CUEDC1: variants seen among roughly 807,000 people sequenced by gnomAD.
The protein encoded by CUEDC1 is CUE domain-containing protein 1.
CUEDC1 carries 30 observed loss-of-function variants against 43.7 expected under a neutral mutation model. The ratio of observed to expected loss-of-function variants is 0.69; its 90% confidence interval spans 0.51 to 0.93. The LOEUF (loss-of-function observed/expected upper bound fraction) is 0.93. Among genes scored for constraint, CUEDC1 ranks in the 40% least tolerant of loss-of-function variants. CUEDC1 has a pLI of 0.00. For synonymous variants in CUEDC1, 223 were observed against 223.6 expected (o/e 1.00, Z 0.02); for missense variants, 486 against 549.0 (o/e 0.89, Z 1.15).
At chr17:57,888,183 G>A (rs968342022) in intron 1 of CUEDC1, among the ~76,000 whole-genome samples, 4 of 152,230 alleles carry the variant, frequency 2.6e-5, no homozygotes, top group South Asian at 4.1e-4. Flanking sequence ...GATTACAGGC[G>A]TGAGCCACTG....
chr17:57,887,360 A>G lies in CUEDC1; in HGVS notation c.-315-1481T>C, dbSNP rs77302383. Among the ~76,000 whole-genome samples, 849 of 152,334 alleles carry G rather than the reference A, an allele frequency of 5.6e-3. 3 individuals are homozygous for G. Among genetic ancestry groups the G allele is most frequent in the Non-Finnish European group, 8.8e-3 (598 of 68,032 alleles). Reference sequence around the variant, plus strand: ...AGACCACTGGGAATGGAATGCGCCTAAACACCAACTTCTGACAGTGGCAGC... The same window carrying G: ...AGACCACTGGGAATGGAATGCGCCTGAACACCAACTTCTGACAGTGGCAGC... On this transcript the variant is annotated intron_variant, in intron 1 of 10. Transcript: ENST00000577830.
chr17:57,885,284 C>CT lies in CUEDC1; in HGVS notation c.280dup (p.Ser94LysfsTer7). 1 of 1,607,494 alleles carries CT rather than the reference C, an allele frequency of 6.2e-7. No individual in the cohort carries two copies. ...GCTGTCCTCATAGACGCCGCCGCTG[C>CT]TGCCACCGCCCTCCAGGTTCATCTG... is the stretch of plus-strand genomic sequence containing the variant. On this transcript the variant is annotated frameshift_variant, in exon 2 of 11. Transcript: ENST00000577830. LOFTEE classifies it high-confidence loss of function.
At chr17:57,925,214 T>C (rs1332707369) in intron 1 of CUEDC1, among the ~76,000 whole-genome samples, 3 of 151,876 alleles carry the variant, frequency 2.0e-5, no homozygotes, top group Non-Finnish European at 4.4e-5. Context: ...AAATTAAACA[T>C]TTTCCAGTTT....
At chr17:57,904,542 T>C (rs540772562) in intron 1 of CUEDC1, among the ~76,000 whole-genome samples, 1 of 152,310 alleles carries the variant, frequency 6.6e-6, no homozygotes, top group South Asian at 2.1e-4. Flanking sequence ...TTATAAGCCC[T>C]GGGGCCCAGG....
intron 1 of CUEDC1, among the ~76,000 whole-genome samples, chr17:57,902,724 A>T (rs556735080): frequency 1.1e-3 from 173 of 152,328 alleles, no homozygotes; most frequent in African/African-American, 3.9e-3. Flanking sequence ...ACAGCTTAAG[A>T]CGTTGCGGGA....
intron 1 of CUEDC1, among the ~76,000 whole-genome samples, chr17:57,897,792 A>C (rs1409109471): frequency 1.3e-5 from 2 of 152,134 alleles, no homozygotes; most frequent in East Asian, 3.9e-4. Flanking sequence ...AGGCGGGTGA[A>C]TCACGAGGTC....
chr17:57,948,383 G>A (rs150352678), intron 1 of CUEDC1, among the ~76,000 whole-genome samples: 2 of 152,208 alleles, frequency 1.3e-5, no homozygotes, highest in East Asian at 3.9e-4. Context: ...GCACCCCCGG[G>A]TGATGCTGAC....
At chr17:57,931,376 G>A (rs559549446) in intron 1 of CUEDC1, among the ~76,000 whole-genome samples, 6 of 152,254 alleles carry the variant, frequency 3.9e-5, no homozygotes, top group South Asian at 4.1e-4. Context: ...CCGGGCAGTC[G>A]CTCATTCATT....
intron 1 of CUEDC1, among the ~76,000 whole-genome samples, chr17:57,887,076 C>T (rs1248470849): frequency 1.3e-5 from 2 of 152,146 alleles, no homozygotes; most frequent in Admixed American, 6.5e-5. Context: ...CCGCCTCGGC[C>T]TCCCAAAGTG....
chr17:57,918,382 C>T (rs1179657392), intron 1 of CUEDC1, among the ~76,000 whole-genome samples: 1 of 152,214 alleles, frequency 6.6e-6, no homozygotes, highest in Non-Finnish European at 1.5e-5. Flanking sequence ...GAAAGGCCTA[C>T]CCCCAGTCAT....
In CUEDC1 at chr17:57,873,692, G is replaced by A. The variant is rs2098638394; in HGVS notation, c.490C>T (p.Pro164Ser). The A allele has an allele frequency of 5.0e-6, 8 of 1,595,904 alleles. No individual in the cohort carries two copies. The African/African-American group carries it at 6.7e-5, about 13-fold the overall frequency. ...PRIDALGSGA[P>S]TSQRRYRNWN... Reference sequence around the variant, plus strand: ...TTCCGATAGCGTCTCTGGCTTGTAGGGGCTCCAGAGCCCAGCGCGTCGATA... The same window carrying A: ...TTCCGATAGCGTCTCTGGCTTGTAGAGGCTCCAGAGCCCAGCGCGTCGATA... Residue 164 changes from proline to serine, a missense_variant, in exon 4 of 11, where the codon CCT becomes TCT. Physicochemically the swap from Pro to Ser is moderately conservative, Grantham distance 74 (BLOSUM62 -1). Transcript: ENST00000577830.
intron 1 of CUEDC1, among the ~76,000 whole-genome samples, chr17:57,917,359 G>A (rs1365114928): frequency 6.6e-6 from 1 of 152,208 alleles, no homozygotes; most frequent in Admixed American, 6.5e-5. Flanking sequence ...TGTTCATCAG[G>A]TGACACATAC....
intron 8 of CUEDC1, 30 bp downstream of exon 8, chr17:57,868,120 C>T (rs375027800): frequency 3.3e-5 from 52 of 1,584,704 alleles, no homozygotes; most frequent in Non-Finnish European, 4.2e-5. Context: ...GCTTCCACCA[C>T]CCCCACCAGT....
chr17:57,926,513 G>A (rs1017439650), intron 1 of CUEDC1, among the ~76,000 whole-genome samples: 5 of 152,100 alleles, frequency 3.3e-5, no homozygotes, highest in East Asian at 1.9e-4. Flanking sequence ...AATTCTGGCC[G>A]GGTGCAGTGG....
chr17:57,889,172 G>T (rs1442368724), intron 1 of CUEDC1, among the ~76,000 whole-genome samples: 2 of 152,192 alleles, frequency 1.3e-5, no homozygotes, highest in Non-Finnish European at 2.9e-5. Context: ...CCCTTAGGGG[G>T]TTTCAATGGG....
At chr17:57,926,852 G>C (rs2074752351) in intron 1 of CUEDC1, among the ~76,000 whole-genome samples, 1 of 152,138 alleles carries the variant, frequency 6.6e-6, no homozygotes, top group Non-Finnish European at 1.5e-5. Flanking sequence ...CTGGAACATA[G>C]GAAATGGGGC....
intron 1 of CUEDC1, among the ~76,000 whole-genome samples, chr17:57,925,864 C>T (rs753048): frequency 0.058 from 8,907 of 152,326 alleles, 395 homozygotes; most frequent in African/African-American, 0.12. Context: ...GTACTGCCAG[C>T]AAAGATGCTC....
intron 1 of CUEDC1, among the ~76,000 whole-genome samples, chr17:57,926,384 T>C (rs945494373): frequency 1.3e-5 from 2 of 152,128 alleles, no homozygotes; most frequent in Non-Finnish European, 2.9e-5. Flanking sequence ...TAGCCGGATC[T>C]TGTCCCCATT....
chr17:57,952,376 G>A (rs1257507196), intron 1 of CUEDC1, among the ~76,000 whole-genome samples: 5 of 151,862 alleles, frequency 3.3e-5, no homozygotes, highest in African/African-American at 9.7e-5. Flanking sequence ...ACAGGCACAC[G>A]CCACCACACC....
Sources: gnomAD v4.1 joint callset for allele counts (sites outside exome capture counted in the v4.1 genomes callset) on GRCh38, gnomAD v4.1.1 for gene constraint, MANE v1.5 for transcripts, NCBI Gene and HGNC (gene_info 2026-07-23, HGNC 2026-07-21) for gene names.